Variants in SPTAN1 observed in about 807,000 individuals in gnomAD.
SPTAN1 encodes the protein spectrin alpha chain, non-erythrocytic 1.
In SPTAN1, 61 loss-of-function variants were observed where a neutral mutation model predicts 331.3. The observed-to-expected ratio is 0.18, with a 90% confidence interval of 0.15 to 0.23. SPTAN1 has a LOEUF of 0.23. SPTAN1 is among the 10% of genes least tolerant of loss of function. SPTAN1 has a pLI of 1.00. For missense variants in SPTAN1, 2,043 were observed against 3,147.9 expected (o/e 0.65, Z 8.40); for synonymous variants, 1,153 against 1,173.9 (o/e 0.98, Z 0.36).
chr9:128,592,303 C>T (rs1393512257), intron 22 of SPTAN1, among the ~76,000 whole-genome samples: 4 of 146,300 alleles, frequency 2.7e-5, no homozygotes, highest in African/African-American at 1.0e-4. Context: ...GAGACAGATT[C>T]TCGCTCTGTC....
chr9:128,566,243 A>T (rs7042981), intron 1 of SPTAN1, among the ~76,000 whole-genome samples: 1 of 152,114 alleles, frequency 6.6e-6, no homozygotes, highest in Non-Finnish European at 1.5e-5. Flanking sequence ...TTTTTAGTAG[A>T]GACGGTGTTT....
chr9:128,579,941 G>A (rs1851740574), intron 10 of SPTAN1, among the ~76,000 whole-genome samples: 1 of 152,208 alleles, frequency 6.6e-6, no homozygotes, highest in Non-Finnish European at 1.5e-5. Flanking sequence ...TCTGGGGCAT[G>A]TGTGGCATGT....
chr9:128,595,012 A>G lies in SPTAN1; in HGVS notation c.3414+639A>G, dbSNP rs553442880. ...TTTAGTAGAGATGAGGTTTCACCAT[A>G]TTGGTCAGGCTGGTCTCAAACTGCT... is the stretch of plus-strand genomic sequence containing the variant. On this transcript the variant is annotated intron_variant, in intron 24 of 56. Coordinates refer to ENST00000372739, the MANE Select transcript of SPTAN1 (RefSeq NM_001130438.3). Among the ~76,000 whole-genome samples the G allele has an allele frequency of 6.8e-5, 10 of 146,746 alleles. No homozygotes were observed. The East Asian group carries it at 8.2e-4, about 12-fold the overall frequency.
chr9:128,630,416 C>T (rs1564325914), intron 52 of SPTAN1, 41 bp downstream of exon 52: 1 of 1,601,264 alleles, frequency 6.2e-7, no homozygotes, highest in Non-Finnish European at 8.5e-7. Context: ...AGACCCTTCA[C>T]CCAGCCACCC....
chr9:128,554,757 A>G (rs935629259), intron 1 of SPTAN1, among the ~76,000 whole-genome samples: 1 of 152,216 alleles, frequency 6.6e-6, no homozygotes, highest in Non-Finnish European at 1.5e-5. Flanking sequence ...GAGGAGGAGG[A>G]CTGCATAGCT....
chr9:128,596,735 A>T (rs1436701622), intron 24 of SPTAN1: 3 of 152,270 alleles, frequency 2.0e-5, no homozygotes, highest in African/African-American at 7.2e-5. Context: ...TCTCTCACAC[A>T]GGGTAGAGGG....
intron 45 of SPTAN1, among the ~76,000 whole-genome samples, chr9:128,623,852 G>A (rs1475932954): frequency 2.6e-5 from 4 of 151,546 alleles, no homozygotes; most frequent in Non-Finnish European, 5.9e-5. Flanking sequence ...TTGGGAAGCC[G>A]AGGTGGGCAA....
At chr9:128,601,088 A>C (rs1379838417) in intron 27 of SPTAN1, among the ~76,000 whole-genome samples, 1 of 143,318 alleles carries the variant, frequency 7.0e-6, no homozygotes, top group African/African-American at 2.6e-5. Context: ...GATTCAAGCG[A>C]TCCTCCTTCC....
Position 128,585,875 on chromosome 9 carries a change from T to C in SPTAN1, c.2688T>C (p.Phe896=), listed in dbSNP as rs780858157. 1.5e-5 allele frequency: 24 copies of C among 1,613,958 alleles called. No individual in the cohort carries two copies. The African/African-American group carries it at 1.6e-4, about 11-fold the overall frequency. ...ACTCTCTGCAGGCCCAGCAGTACTT[T>C]GCTGATGCTAACGAGGCTGAATCCT... ...LEDSLQAQQY[F]ADANEAESWM... The change falls in exon 19 of 57, where the codon TTT becomes TTC. Residue 896 remains phenylalanine (F), a synonymous_variant. Coordinates refer to ENST00000372739, the MANE Select transcript of SPTAN1 (RefSeq NM_001130438.3).
chr9:128,593,072 C>A, intron 23 of SPTAN1, 30 bp downstream of exon 23: 1 of 1,595,306 alleles, frequency 6.3e-7, no homozygotes, highest in Non-Finnish European at 8.6e-7. Context: ...TGCAGAGCAC[C>A]AATGTCCACT....
rs532022297 is a variant in SPTAN1, at chr9:128,561,611, C to T, written c.-3-5127C>T. ...CGGGGAGGCGGAGCTTGCAGTGAGC[C>T]GAAATTGCACCACTGCACTCCAGCC... On this transcript the variant is annotated intron_variant, in intron 1 of 56. Transcript: ENST00000372739. Among the ~76,000 whole-genome samples the T allele has an allele frequency of 3.4e-4, 42 of 124,058 alleles. 2 individuals are homozygous for T. In the East Asian group the frequency reaches 7.3e-3, roughly 22 times the overall value. 81.4% of individuals were successfully genotyped at this position (124,058 alleles called of 152,430 possible).
In SPTAN1 at chr9:128,632,491, T is replaced by A. The variant is rs776507647; in HGVS notation, c.7013+7T>A. 2.5e-6 allele frequency: 4 copies of A among 1,614,216 alleles called. No individual in the cohort carries two copies. The South Asian group carries it at 4.4e-5, about 18-fold the overall frequency. ...AATTCAGCATGATGTTTAAGTGAGT[T>A]CAGCCTTACTCGCCCTGGCTGGGTG... On this transcript the variant is annotated splice_region_variant and intron_variant, in intron 54 of 56. Transcript: ENST00000372739.
Position 128,577,818 on chromosome 9 carries a change from A to G in SPTAN1, c.1086-292A>G, listed in dbSNP as rs1851478988. ...CTTATTAAAACCAGGATTAGAAAGG[A>G]AAAGAATCCTTGCTAGCCAAGGGTT... On this transcript the variant is annotated intron_variant, in intron 8 of 56. Transcript: ENST00000372739. This position sits in a 1 kb window ranked among gnomAD's most constrained non-coding sequence, Gnocchi z 4.2. Among the ~76,000 whole-genome samples, 1 of 152,226 alleles carries G rather than the reference A, an allele frequency of 6.6e-6. No homozygotes were observed. The highest frequency in any genetic ancestry group is 6.5e-5 in the Admixed American group (1 of 15,282).
chr9:128,617,581 C>T lies in SPTAN1; in HGVS notation c.5358-59C>T, dbSNP rs1857325186. The stretch of plus-strand genomic sequence containing the variant: ...TGAGGTCCACAGTTGACCTGATGTC[C>T]CCACTTGAAAGCAGGGAGGTGCAGA... On this transcript the variant is annotated intron_variant, in intron 41 of 56. Transcript: ENST00000372739. 3.7e-6 allele frequency: 6 copies of T among 1,612,714 alleles called. No homozygotes were observed. The South Asian group carries it at 6.6e-5, about 18-fold the overall frequency.
At position 128,627,770 on chromosome 9, in the gene SPTAN1, G is replaced by A; in HGVS notation, c.6690-155G>A. On this transcript the variant is annotated intron_variant, in intron 50 of 56. Transcript: ENST00000372739. This position sits in a 1 kb window ranked among gnomAD's most constrained non-coding sequence, Gnocchi z 4.9. ...AGGGCGCGTGGTCAGCCCCAGCCAT[G>A]ACTTGGTGACAGACGATGCAGGGTC... The A allele has an allele frequency of 2.9e-6, 3 of 1,021,984 alleles. No individual in the cohort carries two copies. The highest frequency in any genetic ancestry group is 3.1e-6 in the Non-Finnish European group (2 of 645,846). 63.3% of individuals were successfully genotyped at this position (1,021,984 alleles called of 1,614,324 possible).
intron 1 of SPTAN1, among the ~76,000 whole-genome samples, chr9:128,554,312 G>A (rs1360319780): frequency 6.6e-6 from 1 of 152,172 alleles, no homozygotes; most frequent in African/African-American, 2.4e-5. Context: ...TCTCTGATAT[G>A]CTTTGGTCTT....
chr9:128,585,809 A>T lies in SPTAN1; in HGVS notation c.2622A>T (p.Ala874=), dbSNP rs1852532451. 6.2e-7 allele frequency: 1 copy of T among 1,614,216 alleles called. No individual in the cohort carries two copies. The highest frequency in any genetic ancestry group is 8.5e-7 in the Non-Finnish European group (1 of 1,180,034). The stretch of plus-strand genomic sequence containing the variant: ...ACGAGCTGAACCAAAAGTGGGAGGC[A>T]CTGAAAGCCAAAGCTTCCCAGCGTC... ...KLHELNQKWE[A]LKAKASQRRQ... is the part of the protein sequence containing the mutation. The change falls in exon 19 of 57, where the codon GCA becomes GCT. Residue 874 remains alanine, a synonymous_variant. Coordinates refer to ENST00000372739, the MANE Select transcript of SPTAN1 (RefSeq NM_001130438.3).
intron 31 of SPTAN1, 126 bp downstream of exon 31, chr9:128,605,603 G>C (rs894709290): frequency 4.3e-5 from 54 of 1,263,162 alleles, no homozygotes; most frequent in Admixed American, 1.8e-4. Context: ...AAGCACTTTG[G>C]GGGGCCAAGG....
intron 25 of SPTAN1, 59 bp downstream of exon 25, chr9:128,598,563 C>A: frequency 7.4e-7 from 1 of 1,342,420 alleles, no homozygotes; most frequent in South Asian, 1.2e-5. Flanking sequence ...CTTTGTTCCT[C>A]TTGTGTCTGT....
Sources: gnomAD v4.1 joint callset for allele counts (sites outside exome capture counted in the v4.1 genomes callset) on GRCh38, gnomAD v4.1.1 for gene constraint, Gnocchi (gnomAD v3.1) non-coding constraint, MANE v1.5 for transcripts, NCBI Gene and HGNC (gene_info 2026-07-23, HGNC 2026-07-21) for gene names.